The following ANKS1B variants were observed in gnomAD, a reference collection of about 807,000 sequenced individuals.
ANKS1B encodes the protein ankyrin repeat and sterile alpha motif domain-containing protein 1B.
ANKS1B carries 36 observed loss-of-function variants against 148.3 expected under a neutral mutation model. The observed-to-expected ratio is 0.24, with a 90% CI of 0.19 to 0.32. The LOEUF (loss-of-function observed/expected upper bound fraction) is 0.32, where lower values mean the gene tolerates loss of function less well. Among genes scored for constraint, ANKS1B ranks in the 10% least tolerant of loss-of-function variants. ANKS1B has a pLI of 1.00. For synonymous variants in ANKS1B, 542 were observed against 560.8 expected (o/e 0.97, Z 0.47); for missense variants, 1,157 against 1,542.6 (o/e 0.75, Z 4.19).
At chr12:99,244,455 A>C in intron 13 of ANKS1B, 41 bp from the exon 14 acceptor site, 1 of 1,308,970 alleles carries the variant, frequency 7.6e-7, no homozygotes, top group Admixed American at 2.2e-5. Context: ...TGTTACATTC[A>C]CTTTTAACAT....
intron 14 of ANKS1B, among the ~76,000 whole-genome samples, chr12:99,222,112 C>T (rs941923508): frequency 6.6e-6 from 1 of 151,814 alleles, no homozygotes; most frequent in Non-Finnish European, 1.5e-5. Context: ...GAGTATGCTA[C>T]CATTTTTTAT....
chr12:98,898,783 G>A (rs1367359492), intron 17 of ANKS1B, among the ~76,000 whole-genome samples: 1 of 152,072 alleles, frequency 6.6e-6, no homozygotes, highest in Non-Finnish European at 1.5e-5. Flanking sequence ...AAGTAATATT[G>A]TTTCCTGCAA....
At chr12:99,146,213 A>G (rs1017230931) in intron 15 of ANKS1B, among the ~76,000 whole-genome samples, 1 of 152,114 alleles carries the variant, frequency 6.6e-6, no homozygotes, top group African/African-American at 2.4e-5. Flanking sequence ...ACAAGACCCA[A>G]TCTCTGCCTC....
At chr12:99,836,708 T>G (rs547634797) in intron 1 of ANKS1B, among the ~76,000 whole-genome samples, 2 of 152,288 alleles carry the variant, frequency 1.3e-5, no homozygotes, top group Non-Finnish European at 2.9e-5. Flanking sequence ...TTTAACCTAG[T>G]TTTAACTTCA....
chr12:99,358,392 CCATAA>C (rs1566952564), intron 12 of ANKS1B, among the ~76,000 whole-genome samples: 1 of 151,998 alleles, frequency 6.6e-6, no homozygotes, highest in East Asian at 1.9e-4. Flanking sequence ...TTCATTCTTC[CCATAA>C]CATGTTGATG....
intron 17 of ANKS1B, among the ~76,000 whole-genome samples, chr12:98,927,353 C>A (rs999540767): frequency 2.0e-5 from 3 of 152,034 alleles, no homozygotes; most frequent in Non-Finnish European, 4.4e-5. Flanking sequence ...TAAGGGGAAA[C>A]CTTCCGGGGG....
At chr12:99,382,173 A>G (rs2093665284) in intron 12 of ANKS1B, among the ~76,000 whole-genome samples, 1 of 152,200 alleles carries the variant, frequency 6.6e-6, no homozygotes, top group African/African-American at 2.4e-5. Context: ...CAAACCGATA[A>G]GGCATCAGGC....
At chr12:99,055,518 C>T (rs2153538994) in intron 16 of ANKS1B, among the ~76,000 whole-genome samples, 1 of 152,304 alleles carries the variant, frequency 6.6e-6, no homozygotes, top group African/African-American at 2.4e-5. Flanking sequence ...TTTGAGGAAG[C>T]AATTAGTGGC....
intron 8 of ANKS1B, among the ~76,000 whole-genome samples, chr12:99,708,145 C>T (rs77377769): frequency 0.017 from 2,608 of 152,238 alleles, 75 homozygotes; most frequent in African/African-American, 0.06. Context: ...AAAGAAACAT[C>T]TGAAATTCAA....
At chr12:98,903,767 T>G (rs1240027049) in intron 17 of ANKS1B, among the ~76,000 whole-genome samples, 1 of 152,216 alleles carries the variant, frequency 6.6e-6, no homozygotes, top group African/African-American at 2.4e-5. Flanking sequence ...TTAAGTATAA[T>G]TTATCTCAAC....
intron 17 of ANKS1B, among the ~76,000 whole-genome samples, chr12:98,854,244 G>A (rs749333156): frequency 2.0e-5 from 3 of 152,186 alleles, no homozygotes; most frequent in East Asian, 1.9e-4. Context: ...TGGGTGGTGC[G>A]ACTCCTAGGG....
At chr12:99,214,938 A>C (rs1355916173) in intron 14 of ANKS1B, among the ~76,000 whole-genome samples, 1 of 152,240 alleles carries the variant, frequency 6.6e-6, no homozygotes, top group Non-Finnish European at 1.5e-5. Flanking sequence ...CAAAGAGACT[A>C]GTGGCATTTT....
intron 1 of ANKS1B, among the ~76,000 whole-genome samples, chr12:99,950,981 T>C (rs2095206235): frequency 6.6e-6 from 1 of 152,210 alleles, no homozygotes; most frequent in Non-Finnish European, 1.5e-5. Context: ...CTTCATTCTG[T>C]CCTCATATCT....
chr12:99,631,163 G>A (rs748562600), intron 9 of ANKS1B, among the ~76,000 whole-genome samples: 31 of 152,130 alleles, frequency 2.0e-4, no homozygotes, highest in Admixed American at 1.1e-3. Context: ...ACCCAGTCTC[G>A]GGTATGTCTT....
At chr12:99,809,745 TA>T (rs2068092870) in intron 3 of ANKS1B, among the ~76,000 whole-genome samples, 1 of 152,108 alleles carries the variant, frequency 6.6e-6, no homozygotes, top group Non-Finnish European at 1.5e-5. Context: ...AGAATAGAAT[TA>T]TTTTTAAAGA....
At chr12:98,778,333 G>A (rs1168040399) in intron 24 of ANKS1B, among the ~76,000 whole-genome samples, 2 of 151,970 alleles carry the variant, frequency 1.3e-5, no homozygotes, top group African/African-American at 2.4e-5. Context: ...AAAATTAGCC[G>A]GGCATGGTGG....
intron 10 of ANKS1B, among the ~76,000 whole-genome samples, chr12:99,484,787 A>G (rs1424972975): frequency 9.6e-6 from 1 of 103,762 alleles, no homozygotes; most frequent in Non-Finnish European, 1.9e-5. Flanking sequence ...TTTTTTTACC[A>G]TTGGTGCTTT....
intron 14 of ANKS1B, among the ~76,000 whole-genome samples, chr12:99,180,865 A>G (rs990139658): frequency 1.4e-5 from 2 of 147,780 alleles, no homozygotes; most frequent in African/African-American, 4.9e-5. Flanking sequence ...CTCCCTCTCC[A>G]CTTTCTCCCC....
intron 17 of ANKS1B, among the ~76,000 whole-genome samples, chr12:98,963,090 A>T (rs766059106): frequency 6.6e-6 from 1 of 152,198 alleles, no homozygotes; most frequent in Non-Finnish European, 1.5e-5. Context: ...ATAAATAAAG[A>T]TCAGAGAAGA....
Sources: gnomAD v4.1 joint callset for allele counts (sites outside exome capture counted in the v4.1 genomes callset) on GRCh38, gnomAD v4.1.1 for gene constraint, MANE v1.5 for transcripts, NCBI Gene and HGNC (gene_info 2026-07-23, HGNC 2026-07-21) for gene names.